Variants in ANKFN1 observed in about 807,000 individuals in gnomAD.
ANKFN1 encodes the protein ankyrin repeat and fibronectin type-III domain-containing protein 1.
A neutral mutation model predicts 108.7 loss-of-function variants in ANKFN1; 74 were observed. That is an observed-to-expected ratio of 0.68 (90% CI 0.56 to 0.83). ANKFN1 has a LOEUF of 0.83. Among genes scored for constraint, ANKFN1 ranks in the 40% least tolerant of loss-of-function variants. ANKFN1 has a pLI of 0.00. For missense variants in ANKFN1, 1,505 were observed against 1,382.3 expected (o/e 1.09, Z -1.41); for synonymous variants, 547 against 516.2 (o/e 1.06, Z -0.81).
intron 4 of ANKFN1, among the ~76,000 whole-genome samples, chr17:56,053,186 G>T (rs971914631): frequency 6.6e-6 from 1 of 152,094 alleles, no homozygotes; most frequent in South Asian, 2.1e-4. Context: ...CATAGGAAGT[G>T]TATGTATCTG....
At chr17:56,489,761 G>T (rs1189771802) in intron 18 of ANKFN1, among the ~76,000 whole-genome samples, 2 of 152,062 alleles carry the variant, frequency 1.3e-5, no homozygotes, top group Admixed American at 1.3e-4. Context: ...GAAAGGCAGG[G>T]TTTGAGACAC....
intron 8 of ANKFN1, among the ~76,000 whole-genome samples, chr17:56,409,938 A>G (rs1239350648): frequency 6.6e-6 from 1 of 152,134 alleles, no homozygotes; most frequent in Non-Finnish European, 1.5e-5. Context: ...TTTCAGAATC[A>G]TAAAAATTGA....
chr17:56,052,958 C>T (rs186848609), intron 4 of ANKFN1, among the ~76,000 whole-genome samples: 44 of 151,920 alleles, frequency 2.9e-4, no homozygotes, highest in African/African-American at 9.9e-4. Flanking sequence ...ATCACTGGAC[C>T]GTCAACTCAT....
chr17:56,360,202 A>G (rs567000304), intron 6 of ANKFN1, among the ~76,000 whole-genome samples: 1 of 152,274 alleles, frequency 6.6e-6, no homozygotes, highest in Non-Finnish European at 1.5e-5. Context: ...CTGTTCTTAT[A>G]CTGTGCACTC....
At chr17:56,277,326 A>G (rs2043960880) in intron 3 of ANKFN1, among the ~76,000 whole-genome samples, 1 of 152,174 alleles carries the variant, frequency 6.6e-6, no homozygotes, top group Non-Finnish European at 1.5e-5. Context: ...CAAATTCTAC[A>G]TGTTTGACTT....
At chr17:56,281,520 C>T (rs2044082714) in intron 3 of ANKFN1, among the ~76,000 whole-genome samples, 2 of 152,092 alleles carry the variant, frequency 1.3e-5, no homozygotes, top group Admixed American at 1.3e-4. Flanking sequence ...TAAAAAAGTA[C>T]TTCATCTAAA....
In ANKFN1 at chr17:56,418,293, G is replaced by A. The variant is rs565744734; in HGVS notation, c.911-22034G>A. Among the ~76,000 whole-genome samples the A allele has an allele frequency of 1.1e-4, 16 of 152,280 alleles. 1 individual carries two copies. The highest frequency in any genetic ancestry group is 3.3e-4 in the Admixed American group (5 of 15,298). On this transcript the variant is annotated intron_variant, in intron 8 of 20. Coordinates refer to ENST00000682825, the MANE Select transcript of ANKFN1 (RefSeq NM_001370326.1). ...TGATTTGATGTTCTTTGAGATCAGA[G>A]GATAAAAATTTGGCCTTATGGATCT...
chr17:56,349,127 A>G (rs1380302773), intron 4 of ANKFN1, among the ~76,000 whole-genome samples: 1 of 152,196 alleles, frequency 6.6e-6, no homozygotes, highest in Non-Finnish European at 1.5e-5. Flanking sequence ...TAATGCAGGA[A>G]CAGAAAATCA....
intron 1 of ANKFN1, among the ~76,000 whole-genome samples, chr17:56,164,960 G>A (rs180743136): frequency 6.6e-6 from 1 of 152,324 alleles, no homozygotes; most frequent in East Asian, 1.9e-4. Context: ...GAGCCAAAAG[G>A]CATCAAACCT....
chr17:56,144,156 G>GGA (rs1296649845), intron 4 of ANKFN1, among the ~76,000 whole-genome samples: 1 of 40,560 alleles, frequency 2.5e-5, no homozygotes, highest in African/African-American at 9.2e-5. Context: ...AGGCGCATCT[G>GGA]AAAAAAAAAA....
chr17:56,233,272 T>A (rs1916870616), intron 3 of ANKFN1, among the ~76,000 whole-genome samples: 2 of 152,242 alleles, frequency 1.3e-5, no homozygotes, highest in South Asian at 4.1e-4. Context: ...TGACTTCAAC[T>A]AATAATTTTA....
Position 56,510,639 on chromosome 17 carries a change from C to G in ANKFN1, c.2811C>G (p.Pro937=), listed in dbSNP as rs991191490. 3.1e-5 allele frequency: 47 copies of G among 1,536,036 alleles called. No individual in the cohort carries two copies. The highest frequency in any genetic ancestry group is 4.1e-5 in the Non-Finnish European group (47 of 1,146,922). ...QTLSGLSGSA[P]DVLQVHDVKT... The stretch of plus-strand genomic sequence containing the variant: ...TTAGCGGCCTAAGCGGCAGCGCCCC[C>G]GACGTCCTGCAAGTGCACGACGTGA... Residue 937 remains proline (P), a synonymous_variant, in exon 21 of 21, where the codon CCC becomes CCG. Transcript: ENST00000682825.
chr17:56,374,258 A>C (rs2046886462), intron 7 of ANKFN1, among the ~76,000 whole-genome samples: 1 of 152,106 alleles, frequency 6.6e-6, no homozygotes, highest in African/African-American at 2.4e-5. Flanking sequence ...ACTTTATAAA[A>C]CGTAAGGGTG....
chr17:56,240,522 TG>T (rs1917503929), intron 3 of ANKFN1, among the ~76,000 whole-genome samples: 1 of 152,156 alleles, frequency 6.6e-6, no homozygotes, highest in Non-Finnish European at 1.5e-5. Context: ...CTCATGTACC[TG>T]GGCAGAATTT....
intron 2 of ANKFN1, among the ~76,000 whole-genome samples, chr17:56,220,700 A>G (rs1915770194): frequency 7.1e-6 from 1 of 140,802 alleles, no homozygotes; most frequent in African/African-American, 3.1e-5. Flanking sequence ...AAGGAAAGGA[A>G]AGGGAAAGGG....
intron 14 of ANKFN1, chr17:56,462,176 G>A (rs183642084): frequency 1.4e-4 from 22 of 152,352 alleles, no homozygotes; most frequent in African/African-American, 5.1e-4. Context: ...CCTTTTGTTG[G>A]TGAGGGAGGT....
chr17:56,301,286 T>C (rs1316598841), intron 3 of ANKFN1, among the ~76,000 whole-genome samples: 1 of 152,238 alleles, frequency 6.6e-6, no homozygotes, highest in Admixed American at 6.5e-5. Flanking sequence ...CATTCATCTT[T>C]ATTTGTCTCC....
At chr17:56,128,311 G>A (rs865816558) in intron 4 of ANKFN1, among the ~76,000 whole-genome samples, 1 of 151,978 alleles carries the variant, frequency 6.6e-6, no homozygotes, top group Admixed American at 6.6e-5. Flanking sequence ...GGAAAGACGG[G>A]ATTCTTTGCT....
At chr17:56,187,166 A>C in intron 1 of ANKFN1, among the ~76,000 whole-genome samples, 1 of 152,248 alleles carries the variant, frequency 6.6e-6, no homozygotes, top group East Asian at 1.9e-4. Flanking sequence ...CAATGGGAGA[A>C]AAATTTTGCA....
Sources: allele counts gnomAD v4.1 joint callset (sites outside exome capture counted in the v4.1 genomes callset), GRCh38; gene constraint gnomAD v4.1.1; transcripts MANE v1.5; gene names NCBI Gene and HGNC (gene_info 2026-07-23, HGNC 2026-07-21).